The following RUFY1 variants were observed in gnomAD, a reference collection of about 807,000 sequenced individuals.
RUFY1 encodes RUN and FYVE domain-containing protein 1.
A neutral mutation model predicts 94.6 loss-of-function variants in RUFY1; 54 were observed. The ratio of observed to expected loss-of-function variants is 0.57; its 90% CI spans 0.46 to 0.72. The LOEUF (loss-of-function observed/expected upper bound fraction) is 0.72. Ranked by LOEUF, RUFY1 falls within the 30% of genes least tolerant of loss-of-function variation. The pLI is 0.00. For missense variants in RUFY1, 883 were observed against 883.9 expected, an observed-to-expected ratio of 1.00 and a Z score of 0.01; for synonymous variants, 396 against 347.3, an observed-to-expected ratio of 1.14 and a Z score of -1.56.
At chr5:179,584,941 C>T (rs1003978283) in intron 7 of RUFY1, among the ~76,000 whole-genome samples, 2 of 151,784 alleles carry the variant, frequency 1.3e-5, no homozygotes, top group African/African-American at 4.8e-5. Context: ...TGAGACCATC[C>T]TGGCTAACAC....
At chr5:179,581,566 A>T (rs1031349203) in intron 7 of RUFY1, among the ~76,000 whole-genome samples, 2 of 151,162 alleles carry the variant, frequency 1.3e-5, no homozygotes, top group African/African-American at 4.9e-5. Context: ...TAGAGAGTAC[A>T]TTGCACATTA....
At chr5:179,590,858 CAG>C (rs902313726) in intron 9 of RUFY1, 5 of 144,002 alleles carry the variant, frequency 3.5e-5, no homozygotes, top group African/African-American at 1.3e-4. Flanking sequence ...TTTTTGGAAA[CAG>C]AGTCTTGCTG....
intron 7 of RUFY1, among the ~76,000 whole-genome samples, chr5:179,581,926 C>T (rs192060873): frequency 6.6e-6 from 1 of 152,164 alleles, no homozygotes; most frequent in East Asian, 1.9e-4. Context: ...CTCAAGCAAT[C>T]CTCCCACCTT....
In RUFY1 at chr5:179,604,798, A is replaced by G. The variant is rs191163118; in HGVS notation, c.1857-1078A>G. Among the ~76,000 whole-genome samples the G allele has an allele frequency of 7.4e-3, 1,125 of 151,878 alleles. 9 individuals are homozygous for G. The highest frequency in any genetic ancestry group is 8.8e-3 in the Non-Finnish European group (598 of 67,930). ...GGAGTTCAAGACCAGCCAGGCCAAT[A>G]TGGTGAAACCCCATCTCTAGTAAAA... On this transcript the variant is annotated intron_variant, in intron 15 of 17. Transcript: ENST00000319449.
At chr5:179,607,810 TG>T in intron 17 of RUFY1, 151 bp downstream of exon 17, 1 of 689,176 alleles carries the variant, frequency 1.5e-6, no homozygotes, top group Non-Finnish European at 2.5e-6. Context: ...CTCTCCTGTT[TG>T]CCTGTGCAGA....
intron 1 of RUFY1, chr5:179,555,566 TG>T: frequency 2.7e-6 from 1 of 371,908 alleles, no homozygotes. Context: ...GCTGATTGCC[TG>T]GAACACTGGT....
chr5:179,559,757 C>G, intron 1 of RUFY1: 1 of 1,167,392 alleles, frequency 8.6e-7, no homozygotes, highest in Middle Eastern at 3.5e-4. Flanking sequence ...GTCGCCGTAG[C>G]AACGCGCGGA....
intron 13 of RUFY1, among the ~76,000 whole-genome samples, chr5:179,597,411 A>AT (rs1214420818): frequency 6.6e-6 from 1 of 151,906 alleles, no homozygotes; most frequent in Non-Finnish European, 1.5e-5. Flanking sequence ...AATTTTTTGT[A>AT]TTTTTAGTAG....
intron 1 of RUFY1, among the ~76,000 whole-genome samples, chr5:179,559,150 C>A (rs1334088946): frequency 1.3e-5 from 2 of 152,216 alleles, no homozygotes; most frequent in African/African-American, 2.4e-5. Context: ...CTGGGACTTT[C>A]CTGCCAGGAC....
chr5:179,599,864 T>C (rs1333267605), intron 14 of RUFY1, among the ~76,000 whole-genome samples: 2 of 152,248 alleles, frequency 1.3e-5, no homozygotes, highest in Non-Finnish European at 2.9e-5. Context: ...CTTCTGGACC[T>C]GGATTTTGTT....
chr5:179,561,700 T>TTTTTTG (rs764059834), intron 2 of RUFY1, among the ~76,000 whole-genome samples: 2,462 of 95,496 alleles, frequency 0.026, 187 homozygotes, highest in African/African-American at 0.042. Context: ...TTTTTTTTTT[T>TTTTTTG]TTTGAAGAGT....
rs146968739 is a variant in RUFY1 at position 179,582,843 on chromosome 5, CAAAAAT to C, written c.956+1853_956+1858del. Among the ~76,000 whole-genome samples, 269 of 151,666 alleles carry C rather than the reference CAAAAAT, an allele frequency of 1.8e-3. 2 individuals are homozygous for C. The East Asian group carries it at 0.026, about 15-fold the overall frequency. The stretch of plus-strand genomic sequence containing the variant: ...GGGCAACAAGAGCGAAACTCCATCT[CAAAAAT>C]AAAAATAAAAATAAAAATAAACCTG... On this transcript the variant is annotated intron_variant, in intron 7 of 17. Coordinates refer to ENST00000319449, the MANE Select transcript of RUFY1 (RefSeq NM_025158.5).
At chr5:179,584,246 A>C (rs566019817) in intron 7 of RUFY1, among the ~76,000 whole-genome samples, 1 of 151,778 alleles carries the variant, frequency 6.6e-6, no homozygotes, top group African/African-American at 2.4e-5. Flanking sequence ...TGCTAAGTTT[A>C]TTTCTTTGTC....
chr5:179,567,707 C>T lies in RUFY1; in HGVS notation c.704+145C>T, dbSNP rs960048797. The stretch of plus-strand genomic sequence containing the variant: ...TTGAGGTCCGGAGTTCAAGACCAGC[C>T]TGGCCAACATGGTGTCGTATTTTTA... On this transcript the variant is annotated intron_variant, in intron 4 of 17. Coordinates refer to ENST00000319449, the MANE Select transcript of RUFY1 (RefSeq NM_025158.5). 21 of 574,936 alleles carry T rather than the reference C, an allele frequency of 3.7e-5. 1 individual carries two copies. The highest frequency in any genetic ancestry group is 1.3e-4 in the Admixed American group (4 of 31,918). 35.6% of individuals were successfully genotyped at this position (574,936 alleles called of 1,614,324 possible).
Position 179,560,150 on chromosome 5 carries a change from C to T in RUFY1, c.436C>T (p.Gln146Ter). 1 of 1,614,092 alleles carries T rather than the reference C, an allele frequency of 6.2e-7. No individual in the cohort carries two copies. Among genetic ancestry groups the T allele is most frequent in the Non-Finnish European group, 8.5e-7 (1 of 1,180,000 alleles). Residue 146 changes from glutamine to a stop codon, truncating the protein, a stop_gained, in exon 2 of 18, where the codon CAG becomes TAG. Transcript: ENST00000319449. LOFTEE classifies it high-confidence loss of function. ...CCTGGATGCGGACCATGCCCCCTTG[C>T]AGCAGTTCTTTGTAGTGATGGAGCA... ...RSLDADHAPLQQFFVVMEHCL... is the reference protein window; with the variant it reads ...RSLDADHAPL
chr5:179,587,549 G>T (rs371930374), intron 8 of RUFY1, among the ~76,000 whole-genome samples: 1 of 114,848 alleles, frequency 8.7e-6, no homozygotes, highest in Non-Finnish European at 1.7e-5. Flanking sequence ...CCGCCACCAC[G>T]CCCGGCTAAA....
intron 14 of RUFY1, 31 bp downstream of exon 14, chr5:179,598,852 C>T: frequency 6.2e-7 from 1 of 1,612,794 alleles, no homozygotes; most frequent in East Asian, 2.2e-5. Flanking sequence ...AGAGGAGAGC[C>T]TCTGGCAGCC....
At chr5:179,581,812 G>A (rs891471449) in intron 7 of RUFY1, among the ~76,000 whole-genome samples, 1 of 151,560 alleles carries the variant, frequency 6.6e-6, no homozygotes, top group African/African-American at 2.4e-5. Flanking sequence ...AGCCTCCTAA[G>A]TAGCTGGGAC....
chr5:179,583,810 C>T (rs746316344), intron 7 of RUFY1, among the ~76,000 whole-genome samples: 2 of 151,536 alleles, frequency 1.3e-5, no homozygotes, highest in African/African-American at 2.4e-5. Flanking sequence ...AGTGCAGTGG[C>T]ATGATCTCCG....
Sources: allele counts gnomAD v4.1 joint callset (sites outside exome capture counted in the v4.1 genomes callset), GRCh38; gene constraint gnomAD v4.1.1; transcripts MANE v1.5; gene names NCBI Gene and HGNC (gene_info 2026-07-23, HGNC 2026-07-21).